Variants in TAOK1 observed in about 807,000 individuals in gnomAD.
The protein encoded by TAOK1 is TAO kinase 1.
TAOK1 carries 21 observed loss-of-function variants against 138.3 expected under a neutral mutation model. That is an observed-to-expected ratio of 0.15 (90% CI 0.11 to 0.22). The LOEUF is 0.22. Ranked by LOEUF, TAOK1 falls within the 10% of genes least tolerant of loss-of-function variation. The pLI is 1.00. For synonymous variants in TAOK1, 361 were observed against 398.4 expected, an observed-to-expected ratio of 0.91 and a Z score of 1.12; for missense variants, 651 against 1,227.7, an observed-to-expected ratio of 0.53 and a Z score of 7.02.
At chr17:29,542,336 G>A (rs1448519819) in intron 19 of TAOK1, among the ~76,000 whole-genome samples, 3 of 151,744 alleles carry the variant, frequency 2.0e-5, no homozygotes, top group Non-Finnish European at 4.4e-5. Flanking sequence ...TCACCACTAC[G>A]CAATATGTGC....
At chr17:29,392,686 GAATT>G (rs1904470155) in intron 1 of TAOK1, among the ~76,000 whole-genome samples, 1 of 152,088 alleles carries the variant, frequency 6.6e-6, no homozygotes, top group Admixed American at 6.6e-5. Flanking sequence ...ACTATTAATA[GAATT>G]AATTTTTTCC....
At chr17:29,492,590 A>G (rs995122324) in intron 10 of TAOK1, among the ~76,000 whole-genome samples, 1 of 149,854 alleles carries the variant, frequency 6.7e-6, no homozygotes, top group Non-Finnish European at 1.5e-5. Flanking sequence ...CAGGAGTTCA[A>G]GACCATCCTG....
intron 1 of TAOK1, among the ~76,000 whole-genome samples, chr17:29,415,221 A>G (rs986950389): frequency 2.0e-5 from 3 of 151,694 alleles, no homozygotes; most frequent in Non-Finnish European, 4.4e-5. Flanking sequence ...CACCTGCCTC[A>G]GGCTCCAGAG....
chr17:29,498,666 C>T (rs984322145), intron 12 of TAOK1, 145 bp downstream of exon 12: 38 of 914,014 alleles, frequency 4.2e-5, no homozygotes, highest in Non-Finnish European at 6.2e-5. Flanking sequence ...GCCTGTAATC[C>T]CAGCACTTTG....
At chr17:29,493,726 T>C (rs2031353756) in intron 10 of TAOK1, among the ~76,000 whole-genome samples, 1 of 152,034 alleles carries the variant, frequency 6.6e-6, no homozygotes, top group Admixed American at 6.6e-5. Flanking sequence ...TTTGGACTAA[T>C]TACATTTCTG....
At chr17:29,510,739 T>G in intron 14 of TAOK1, 125 bp from the exon 15 acceptor site, 1 of 696,326 alleles carries the variant, frequency 1.4e-6, no homozygotes, top group Non-Finnish European at 2.1e-6. Context: ...GTTCAGTCTT[T>G]TATTTTGGTA....
chr17:29,522,600 G>T lies in TAOK1; in HGVS notation c.2148+81G>T, dbSNP rs2031938924. 15 of 1,541,426 alleles carry T rather than the reference G, an allele frequency of 9.7e-6. No individual in the cohort carries two copies. In the South Asian group the frequency reaches 1.9e-4, roughly 19 times the overall value. On this transcript the variant is annotated intron_variant, in intron 17 of 19. Transcript: ENST00000261716. The stretch of plus-strand genomic sequence containing the variant: ...TAAGCAGGAAAAGTCTTAAGATGAT[G>T]TCTAGTCATAAAGAAATTGACTAAG...
At chr17:29,534,800 A>C (rs1021996403) in intron 19 of TAOK1, among the ~76,000 whole-genome samples, 2 of 152,238 alleles carry the variant, frequency 1.3e-5, no homozygotes, top group Non-Finnish European at 2.9e-5. Flanking sequence ...AGTTCCACAC[A>C]GGTGAAAAGT....
intron 1 of TAOK1, among the ~76,000 whole-genome samples, chr17:29,406,967 T>C (rs569173528): frequency 2.0e-5 from 3 of 152,318 alleles, no homozygotes; most frequent in African/African-American, 7.2e-5. Flanking sequence ...TGTATGTTCA[T>C]GTAACCATCA....
intron 18 of TAOK1, among the ~76,000 whole-genome samples, chr17:29,533,179 G>GT (rs2032158360): frequency 6.6e-6 from 1 of 151,642 alleles, no homozygotes; most frequent in African/African-American, 2.4e-5. Flanking sequence ...CGGCCGGGCA[G>GT]AGGCGCTCCT....
intron 2 of TAOK1, among the ~76,000 whole-genome samples, chr17:29,460,953 G>A (rs2030516512): frequency 6.6e-6 from 1 of 152,194 alleles, no homozygotes; most frequent in Admixed American, 6.5e-5. Context: ...AATTATTAAA[G>A]AGAGTGAGAG....
chr17:29,397,842 T>TACATATAC (rs1904710697), intron 1 of TAOK1, among the ~76,000 whole-genome samples: 1 of 149,684 alleles, frequency 6.7e-6, no homozygotes, highest in African/African-American at 2.4e-5. Context: ...TATGTGTATA[T>TACATATAC]ATATATATGT....
chr17:29,425,936 A>C (rs1283819334), intron 1 of TAOK1, among the ~76,000 whole-genome samples: 1 of 152,152 alleles, frequency 6.6e-6, no homozygotes, highest in African/African-American at 2.4e-5. Flanking sequence ...GCTGGAGTGC[A>C]GTGGCGCGAT....
In TAOK1 at chr17:29,518,833, C is replaced by T. The variant is rs562777353; in HGVS notation, c.1908+1177C>T. 1.5e-4 allele frequency among the ~76,000 whole-genome samples: 23 copies of T among 152,144 alleles called. 1 individual carries two copies. Among genetic ancestry groups the T allele is most frequent in the Admixed American group, 7.2e-4 (11 of 15,266 alleles). On this transcript the variant is annotated intron_variant, in intron 16 of 19. Coordinates refer to ENST00000261716, the MANE Select transcript of TAOK1 (RefSeq NM_020791.4). The stretch of plus-strand genomic sequence containing the variant: ...ACCCAGGCTGAAGTACAGTGGCAAT[C>T]TCGGCTCATTGCAACCTCCGCCTCC...
intron 13 of TAOK1, among the ~76,000 whole-genome samples, chr17:29,507,618 C>T (rs1406234776): frequency 6.6e-6 from 1 of 152,152 alleles, no homozygotes; most frequent in Non-Finnish European, 1.5e-5. Context: ...TATCTTAAAG[C>T]CAGTATCACA....
At chr17:29,420,280 C>G (rs1404217806) in intron 1 of TAOK1, among the ~76,000 whole-genome samples, 2 of 151,836 alleles carry the variant, frequency 1.3e-5, no homozygotes, top group African/African-American at 2.4e-5. Flanking sequence ...GCAATTCACC[C>G]GCCTCGGCCT....
intron 1 of TAOK1, among the ~76,000 whole-genome samples, chr17:29,401,071 G>A (rs900292740): frequency 2.6e-5 from 4 of 151,638 alleles, no homozygotes; most frequent in African/African-American, 7.3e-5. Context: ...CACCACACCC[G>A]GCTAATTTTT....
In TAOK1 at chr17:29,546,758, C is replaced by T. The variant is rs1012560944; in HGVS notation, c.*3736C>T. The stretch of plus-strand genomic sequence containing the variant: ...TGTGTATAGATGGATGGATGTAACT[C>T]ATACTGTACATTTCCATCAGGGCAC... On this transcript the variant is annotated 3_prime_UTR_variant, in exon 20 of 20. Transcript: ENST00000261716. The T allele has an allele frequency of 6.6e-6, 1 of 152,028 alleles. No individual in the cohort carries two copies. The highest frequency in any genetic ancestry group is 6.6e-5 in the Admixed American group (1 of 15,252). 9.4% of individuals were successfully genotyped at this position (152,028 alleles called of 1,614,324 possible).
intron 1 of TAOK1, among the ~76,000 whole-genome samples, chr17:29,434,559 A>C (rs1057003065): frequency 1.3e-5 from 2 of 152,112 alleles, no homozygotes; most frequent in Non-Finnish European, 2.9e-5. Flanking sequence ...AGGTGCCACC[A>C]TGAGTACCAA....
Sources: allele counts gnomAD v4.1 joint callset (sites outside exome capture counted in the v4.1 genomes callset), GRCh38; gene constraint gnomAD v4.1.1; transcripts MANE v1.5; gene names NCBI Gene and HGNC (gene_info 2026-07-23, HGNC 2026-07-21).